The following DDX43 variants were observed in gnomAD, a reference collection of about 807,000 sequenced individuals.
DDX43 encodes probable ATP-dependent RNA helicase DDX43.
In DDX43, 50 loss-of-function variants were observed where a neutral mutation model predicts 84.9. That is an observed-to-expected ratio of 0.59 (90% confidence interval 0.47 to 0.75). The LOEUF is 0.75. DDX43 is among the 30% of genes least tolerant of loss of function. The pLI, the probability that DDX43 is intolerant of heterozygous loss-of-function variation, is 0.00. For missense variants in DDX43, 689 were observed against 798.6 expected (o/e 0.86, Z 1.65); for synonymous variants, 291 against 266.3 (o/e 1.09, Z -0.90).
intron 3 of DDX43, 123 bp from the exon 4 acceptor site, chr6:73,401,736 A>G (rs1582636098): frequency 2.3e-6 from 2 of 878,540 alleles, no homozygotes; most frequent in South Asian, 1.9e-5. Context: ...CGGGAGGTGG[A>G]GCTTGCAGTG....
intron 7 of DDX43, among the ~76,000 whole-genome samples, 184 bp from the exon 8 acceptor site, chr6:73,407,321 G>A (rs898169825): frequency 6.6e-6 from 1 of 152,120 alleles, no homozygotes; most frequent in Non-Finnish European, 1.5e-5. Context: ...GTTTCACCAT[G>A]TTGGCTAGGC....
In DDX43 at chr6:73,414,597, T is replaced by C. The variant is rs748703052; in HGVS notation, c.1656T>C (p.Asp552=). The C allele has an allele frequency of 6.2e-7, 1 of 1,613,404 alleles. No homozygotes were observed. The highest frequency in any genetic ancestry group is 8.5e-7 in the Non-Finnish European group (1 of 1,179,366). Residue 552 remains aspartate, a synonymous_variant, in exon 14 of 17, where the codon GAT becomes GAC. Coordinates refer to ENST00000370336, the MANE Select transcript of DDX43 (RefSeq NM_018665.3). ...IATDLASRGL[D]VHDVTHVYNF... ...CTGATCTAGCCTCTAGAGGACTTGA[T>C]GTCCATGACGTTACACATGTCTATA...
intron 8 of DDX43, 75 bp from the exon 9 acceptor site, chr6:73,407,885 C>T (rs1478359335): frequency 2.8e-6 from 4 of 1,409,444 alleles, no homozygotes; most frequent in Non-Finnish European, 3.9e-6. Context: ...TGATTTTTAT[C>T]CCTTTTATTG....
chr6:73,399,323 A>G (rs1451118063), intron 2 of DDX43, among the ~76,000 whole-genome samples: 2 of 152,158 alleles, frequency 1.3e-5, no homozygotes, highest in African/African-American at 4.8e-5. Context: ...TCAGGCCTGT[A>G]AGTCTAGACT....
rs746124939 is a variant in DDX43, at chr6:73,407,623, AT to A, written c.1037+16del. The stretch of plus-strand genomic sequence containing the variant: ...ATATAAAGGGCTTCGGAGGTAAGTA[AT>A]TTTTTTTCCCATTCCTTCACCAGTA... On this transcript the variant is annotated intron_variant, in intron 8 of 16. Coordinates refer to ENST00000370336, the MANE Select transcript of DDX43 (RefSeq NM_018665.3). The A allele has an allele frequency of 1.4e-5, 22 of 1,562,402 alleles. No homozygotes were observed. The highest frequency in any genetic ancestry group is 2.2e-5 in the East Asian group (1 of 44,616).
rs1769896292 is a variant in DDX43 at position 73,416,189 on chromosome 6, T to C, written c.1910T>C (p.Met637Thr). The change falls in exon 16 of 17, where the codon ATG becomes ACG. Residue 637 changes from methionine to threonine, a missense_variant. Met to Thr is a moderately conservative substitution (Grantham distance 81, BLOSUM62 -1). This residue lies in a region of DDX43 where 552 missense variants were observed against 692.7 expected (regional missense o/e 0.80). Coordinates refer to ENST00000370336, the MANE Select transcript of DDX43 (RefSeq NM_018665.3). ...CAGAAAAGGGAAATGGAAAGAAAAA[T>C]GGAAAGACCTCAAGGAAGGCCCAAG... ...HQQKREMERK[M>T]ERPQGRPKKF... The C allele has an allele frequency of 3.1e-6, 5 of 1,598,514 alleles. No individual in the cohort carries two copies. Among genetic ancestry groups the C allele is most frequent in the Non-Finnish European group, 3.4e-6 (4 of 1,165,864 alleles).
chr6:73,397,279 G>T lies in DDX43; in HGVS notation c.251-410G>T, dbSNP rs372813725. 2.6e-5 allele frequency among the ~76,000 whole-genome samples: 4 copies of T among 152,146 alleles called. No homozygotes were observed. In the East Asian group the frequency reaches 5.8e-4, roughly 22 times the overall value. On this transcript the variant is annotated intron_variant, in intron 1 of 16. Transcript: ENST00000370336. ...GAGGTGACAATCATTTTGTGGTTTCGATTTGCGTGGACCTGATTAGTGATG... is the reference window on the plus strand; with the variant it reads ...GAGGTGACAATCATTTTGTGGTTTCTATTTGCGTGGACCTGATTAGTGATG...
At chr6:73,402,052 G>A in intron 4 of DDX43, 62 bp downstream of exon 4, 1 of 1,581,876 alleles carries the variant, frequency 6.3e-7, no homozygotes, top group Non-Finnish European at 8.6e-7. Context: ...TTTATTCTCT[G>A]TACAATGTCT....
intron 10 of DDX43, 96 bp from the exon 11 acceptor site, chr6:73,412,108 AT>A: frequency 1.0e-6 from 1 of 1,001,630 alleles, no homozygotes; most frequent in Admixed American, 2.4e-5. Flanking sequence ...TAAGTACTAA[AT>A]TTGTCTTTCA....
intron 2 of DDX43, 123 bp downstream of exon 2, chr6:73,397,867 A>G (rs1427950193): frequency 7.4e-6 from 6 of 812,816 alleles, no homozygotes; most frequent in Non-Finnish European, 1.2e-5. Context: ...CAGTGACGTG[A>G]TATCAGTACA....
rs376260062 is a variant in DDX43, at chr6:73,397,780, A to G, written c.306+36A>G. On this transcript the variant is annotated intron_variant, in intron 2 of 16. Transcript: ENST00000370336. Reference sequence around the variant, plus strand: ...TGTGTTTTTCGGCCCTTAAGAGAGCATCATGCATTTCTAAGGGAGCACCTA... The same window carrying G: ...TGTGTTTTTCGGCCCTTAAGAGAGCGTCATGCATTTCTAAGGGAGCACCTA... The G allele has an allele frequency of 3.2e-6, 5 of 1,580,486 alleles. No homozygotes were observed. In the African/African-American group the frequency reaches 5.4e-5, roughly 17 times the overall value.
Position 73,416,142 on chromosome 6 carries a change from T to C in DDX43, c.1863T>C (p.Ala621=). The change falls in exon 16 of 17, where the codon GCT becomes GCC. Residue 621 remains alanine, a synonymous_variant. Coordinates refer to ENST00000370336, the MANE Select transcript of DDX43 (RefSeq NM_018665.3). ...TTCCAGAGGAGCTTGTATCAATGGC[T>C]GAGAGGTTTAAGGCACATCAACAGA... The part of the protein sequence containing the change: ...QSIPEELVSM[A]ERFKAHQQKR... The C allele has an allele frequency of 6.3e-7, 1 of 1,580,610 alleles. No homozygotes were observed. The highest frequency in any genetic ancestry group is 1.7e-5 in the Admixed American group (1 of 59,968).
intron 11 of DDX43, among the ~76,000 whole-genome samples, chr6:73,412,496 T>C (rs1035310685): frequency 7.2e-5 from 11 of 152,042 alleles, no homozygotes; most frequent in African/African-American, 2.4e-5. Context: ...GGCCTATATA[T>C]GTATAGAGAG....
chr6:73,396,335 T>C (rs901308621), intron 1 of DDX43, among the ~76,000 whole-genome samples: 4 of 152,236 alleles, frequency 2.6e-5, no homozygotes, highest in Non-Finnish European at 4.4e-5. Context: ...TGCCACATTT[T>C]ACCTATTAGG....
chr6:73,404,839 G>C, intron 5 of DDX43, 68 bp downstream of exon 5: 1 of 1,207,944 alleles, frequency 8.3e-7, no homozygotes, highest in Non-Finnish European at 1.2e-6. Flanking sequence ...AACACTTCGG[G>C]CAAATGTGAA....
chr6:73,409,987 G>T (rs1340341771), intron 10 of DDX43, among the ~76,000 whole-genome samples: 1 of 147,902 alleles, frequency 6.8e-6, no homozygotes, highest in East Asian at 2.0e-4. Flanking sequence ...CCAAGATCAT[G>T]CCACTGCACT....
chr6:73,416,460 A>G (rs958194381), intron 16 of DDX43, among the ~76,000 whole-genome samples: 1 of 152,204 alleles, frequency 6.6e-6, no homozygotes, highest in East Asian at 1.9e-4. Flanking sequence ...AGCACTATTC[A>G]TAATAGTCAA....
chr6:73,410,174 A>G (rs1769757207), intron 10 of DDX43, among the ~76,000 whole-genome samples: 2 of 152,106 alleles, frequency 1.3e-5, no homozygotes, highest in Non-Finnish European at 2.9e-5. Flanking sequence ...AAGTGAATGT[A>G]TTTATTTATT....
At chr6:73,414,811 T>C in intron 14 of DDX43, 125 bp downstream of exon 14, 3 of 832,228 alleles carry the variant, frequency 3.6e-6, no homozygotes, top group Non-Finnish European at 5.6e-6. Context: ...TCCCAGATTA[T>C]ACTTGCTACT....
Sources: gnomAD v4.1 joint callset for allele counts (sites outside exome capture counted in the v4.1 genomes callset) on GRCh38, gnomAD v4.1.1 for gene constraint, gnomAD v4.1.1 regional missense constraint, MANE v1.5 for transcripts, NCBI Gene and HGNC (gene_info 2026-07-23, HGNC 2026-07-21) for gene names.